Variants in PCDH17 observed in about 807,000 individuals in gnomAD.
PCDH17 encodes the protein protocadherin 17, also known as protocadherin-17.
A neutral mutation model predicts 67.7 loss-of-function variants in PCDH17; 21 were observed. That is an observed-to-expected ratio of 0.31 (90% confidence interval 0.22 to 0.45). The LOEUF (loss-of-function observed/expected upper bound fraction) is 0.45, where lower values mean the gene tolerates loss of function less well. PCDH17 is among the 20% of genes least tolerant of loss of function. The pLI, the probability that PCDH17 is intolerant of heterozygous loss-of-function variation, is 1.00. For missense variants in PCDH17, 1,471 were observed against 1,564.8 expected (o/e 0.94, Z 1.01); for synonymous variants, 701 against 656.7 (o/e 1.07, Z -1.03).
At chr13:57,643,572 C>T (rs1954929605) in intron 1 of PCDH17, among the ~76,000 whole-genome samples, 1 of 151,548 alleles carries the variant, frequency 6.6e-6, no homozygotes, top group African/African-American at 2.4e-5. Flanking sequence ...CTATTTTGCT[C>T]TTGCAGTTTT....
At chr13:57,640,944 C>A (rs896570763) in intron 1 of PCDH17, among the ~76,000 whole-genome samples, 1 of 151,982 alleles carries the variant, frequency 6.6e-6, no homozygotes, top group Non-Finnish European at 1.5e-5. Flanking sequence ...CTCAGTGGTA[C>A]TTCTGTTTAA....
At chr13:57,694,451 G>C (rs186891418) in intron 3 of PCDH17, among the ~76,000 whole-genome samples, 1 of 150,968 alleles carries the variant, frequency 6.6e-6, no homozygotes, top group Non-Finnish European at 1.5e-5. Context: ...CTGTGCATTC[G>C]TGTATATACA....
chr13:57,716,262 C>T (rs1490548234), intron 3 of PCDH17, among the ~76,000 whole-genome samples: 3 of 151,992 alleles, frequency 2.0e-5, no homozygotes, highest in Non-Finnish European at 4.4e-5. Flanking sequence ...TGATACACTG[C>T]TTAAATACTT....
chr13:57,636,853 C>T (rs1954830112), intron 1 of PCDH17, among the ~76,000 whole-genome samples: 1 of 152,070 alleles, frequency 6.6e-6, no homozygotes, highest in South Asian at 2.1e-4. Flanking sequence ...AATGCTTAGT[C>T]TTCCATTTAA....
At chr13:57,671,254 A>T (rs546393494) in intron 3 of PCDH17, among the ~76,000 whole-genome samples, 14 of 151,942 alleles carry the variant, frequency 9.2e-5, no homozygotes, top group African/African-American at 1.4e-4. Flanking sequence ...TTACCTAATA[A>T]ATTATTGTTT....
At chr13:57,686,090 GA>G (rs145106488) in intron 3 of PCDH17, among the ~76,000 whole-genome samples, 25 of 147,180 alleles carry the variant, frequency 1.7e-4, no homozygotes, top group African/African-American at 3.5e-4. Context: ...TCTCATCTCT[GA>G]AAAAAAAAAG....
intron 1 of PCDH17, among the ~76,000 whole-genome samples, chr13:57,635,933 A>G (rs897930974): frequency 1.2e-4 from 19 of 152,310 alleles, no homozygotes; most frequent in Middle Eastern, 3.4e-3. Context: ...GCGCTACTGA[A>G]AAAAGGAGGC....
chr13:57,669,929 T>C (rs1955299751), intron 3 of PCDH17, among the ~76,000 whole-genome samples: 2 of 152,052 alleles, frequency 1.3e-5, no homozygotes, highest in African/African-American at 2.4e-5. Context: ...TATGCATTGA[T>C]TGAACTACTG....
intron 3 of PCDH17, among the ~76,000 whole-genome samples, chr13:57,721,945 AGAG>A (rs957444105): frequency 1.3e-5 from 2 of 152,290 alleles, no homozygotes; most frequent in African/African-American, 4.8e-5. Flanking sequence ...CTTGACAGTT[AGAG>A]TTCATTTTGT....
intron 3 of PCDH17, among the ~76,000 whole-genome samples, chr13:57,696,866 G>A (rs1490054036): frequency 1.3e-5 from 2 of 151,538 alleles, no homozygotes; most frequent in African/African-American, 4.8e-5. Flanking sequence ...GAAGAAAGGA[G>A]TCAAATATAA....
rs965102063 is a variant in PCDH17, at chr13:57,727,827, T to C, written c.*2533T>C. On this transcript the variant is annotated 3_prime_UTR_variant, in exon 4 of 4. Transcript: ENST00000377918. ...GTCTTACCAAGTGTTGCTTCTCTCTTACTAGACAGATATCCACTTAGTAAA... is the reference window on the plus strand; with the variant it reads ...GTCTTACCAAGTGTTGCTTCTCTCTCACTAGACAGATATCCACTTAGTAAA... 1 of 152,402 alleles carries C rather than the reference T, an allele frequency of 6.6e-6. No individual in the cohort carries two copies. The highest frequency in any genetic ancestry group is 1.5e-5 in the Non-Finnish European group (1 of 68,016). The allele number at this position is 152,402 out of a possible 1,614,324, so 9.4% of individuals were successfully genotyped here.
At chr13:57,707,736 T>C (rs1955734204) in intron 3 of PCDH17, among the ~76,000 whole-genome samples, 1 of 152,028 alleles carries the variant, frequency 6.6e-6, no homozygotes, top group Admixed American at 6.6e-5. Context: ...CTCTGTCTTA[T>C]AGTTCTAGGA....
At chr13:57,682,276 G>C (rs751931856) in intron 3 of PCDH17, among the ~76,000 whole-genome samples, 1 of 151,548 alleles carries the variant, frequency 6.6e-6, no homozygotes, top group Non-Finnish European at 1.5e-5. Context: ...CCACACCCTA[G>C]TTCTACTTGA....
chr13:57,648,271 C>A (rs1408975913), intron 1 of PCDH17, among the ~76,000 whole-genome samples: 1 of 151,676 alleles, frequency 6.6e-6, no homozygotes, highest in South Asian at 2.1e-4. Flanking sequence ...TTGTAATAAA[C>A]CTATTATCTT....
At chr13:57,704,342 T>C (rs999565451) in intron 3 of PCDH17, among the ~76,000 whole-genome samples, 5 of 152,102 alleles carry the variant, frequency 3.3e-5, no homozygotes, top group African/African-American at 1.2e-4. Flanking sequence ...ATCTGCTTTC[T>C]AAAACAGTCT....
At chr13:57,689,835 G>C (rs748827951) in intron 3 of PCDH17, among the ~76,000 whole-genome samples, 3 of 151,638 alleles carry the variant, frequency 2.0e-5, no homozygotes, top group South Asian at 2.1e-4. Context: ...TCTATTCTGG[G>C]AAAAAATAAT....
Position 57,633,934 on chromosome 13 carries a change from T to C in PCDH17, c.1388T>C (p.Leu463Pro). 6.2e-7 allele frequency: 1 copy of C among 1,613,476 alleles called. No homozygotes were observed. Among genetic ancestry groups the C allele is most frequent in the Non-Finnish European group, 8.5e-7 (1 of 1,180,028 alleles). The change falls in exon 1 of 4, where the codon CTA (leucine) becomes CCA (proline). Residue 463 changes from leucine to proline, a missense_variant. By Grantham distance (98) the Leu-to-Pro change is moderately conservative (BLOSUM62 -3). Around this residue, in one of 3 missense-constraint regions of PCDH17, gnomAD observed 1,163 missense variants for 1,230.0 expected, o/e 0.95. Coordinates refer to ENST00000377918, the MANE Select transcript of PCDH17 (RefSeq NM_001040429.3). This position sits in a 1 kb window ranked among gnomAD's most constrained non-coding sequence, Gnocchi z 6.2. Reference protein sequence around the residue: ...NSTKSFAIKILDENDNPPRFT... With the variant: ...NSTKSFAIKIPDENDNPPRFT... ...ACCAAGTCGTTCGCGATCAAGATTCTAGACGAGAACGACAACCCGCCTCGG... is the reference window on the plus strand; with the variant it reads ...ACCAAGTCGTTCGCGATCAAGATTCCAGACGAGAACGACAACCCGCCTCGG...
chr13:57,632,474 C>T lies in PCDH17; in HGVS notation c.-73C>T. On this transcript the variant is annotated 5_prime_UTR_variant, in exon 1 of 4. Coordinates refer to ENST00000377918, the MANE Select transcript of PCDH17 (RefSeq NM_001040429.3). Reference sequence around the variant, plus strand: ...GTCGCGCGCGCACGCTGCGCCAGGGCCCCAGGCTGGCGCGCACTCCCTCTC... The same window carrying T: ...GTCGCGCGCGCACGCTGCGCCAGGGTCCCAGGCTGGCGCGCACTCCCTCTC... The T allele has an allele frequency of 1.4e-6, 2 of 1,470,422 alleles. No individual in the cohort carries two copies. Among genetic ancestry groups the T allele is most frequent in the East Asian group, 2.5e-5 (1 of 40,662 alleles). The allele number at this position is 1,470,422 out of a possible 1,614,324, so 91.1% of individuals were successfully genotyped here.
rs1401987726 is a variant in PCDH17 at position 57,693,338 on chromosome 13, A to ATATATATATATT, written c.2797+26512_2797+26513insATATTTATATAT. On this transcript the variant is annotated intron_variant, in intron 3 of 3. Coordinates refer to ENST00000377918, the MANE Select transcript of PCDH17 (RefSeq NM_001040429.3). ...TTCATATATATATATATATATATATATATATATCAAGGAGTTAGGATACAA... is the reference window on the plus strand; with the variant it reads ...TTCATATATATATATATATATATATATATATATATATTTATATATCAAGGAGTTAGGATACAA... 1.1e-3 allele frequency among the ~76,000 whole-genome samples: 151 copies of ATATATATATATT among 142,120 alleles called. 3 individuals carry two copies. Among genetic ancestry groups the ATATATATATATT allele is most frequent in the African/African-American group, 2.9e-3 (113 of 39,358 alleles). 93.2% of individuals were successfully genotyped at this position (142,120 alleles called of 152,430 possible).
Sources: allele counts gnomAD v4.1 joint callset (sites outside exome capture counted in the v4.1 genomes callset), GRCh38; gene constraint gnomAD v4.1.1; regional missense constraint gnomAD v4.1.1; non-coding constraint Gnocchi (gnomAD v3.1); transcripts MANE v1.5; gene names NCBI Gene and HGNC (gene_info 2026-07-23, HGNC 2026-07-21).